Variants in NBEA observed in about 807,000 individuals in gnomAD.
The protein encoded by NBEA is lysosomal-trafficking regulator 2.
NBEA carries 44 observed loss-of-function variants against 343.4 expected under a neutral mutation model. The observed-to-expected ratio is 0.13, with a 90% CI of 0.10 to 0.16. The LOEUF is 0.16. NBEA is among the 10% of genes least tolerant of loss of function. The pLI is 1.00. For synonymous variants in NBEA, 1,175 were observed against 1,238.7 expected (o/e 0.95, Z 1.08); for missense variants, 2,555 against 3,631.3 (o/e 0.70, Z 7.62).
At chr13:35,188,020 G>A (rs2071850627) in intron 30 of NBEA, among the ~76,000 whole-genome samples, 1 of 151,854 alleles carries the variant, frequency 6.6e-6, no homozygotes, top group African/African-American at 2.4e-5. Flanking sequence ...CTGTAACTGA[G>A]TAGCTTCCTT....
intron 1 of NBEA, among the ~76,000 whole-genome samples, chr13:34,961,076 C>T (rs537740164): frequency 2.1e-4 from 32 of 151,980 alleles, no homozygotes; most frequent in African/African-American, 6.8e-4. Flanking sequence ...TGAATTCCAA[C>T]GAAAGAATGG....
chr13:35,315,554 T>G (rs1323701836), intron 36 of NBEA, among the ~76,000 whole-genome samples: 1 of 152,180 alleles, frequency 6.6e-6, no homozygotes, highest in South Asian at 2.1e-4. Flanking sequence ...TCTTTTTAAA[T>G]AAATTAATCA....
chr13:35,336,666 A>T (rs986003357), intron 36 of NBEA, among the ~76,000 whole-genome samples: 1 of 152,132 alleles, frequency 6.6e-6, no homozygotes, highest in African/African-American at 2.4e-5. Flanking sequence ...AATACGGTAC[A>T]TATACACTGT....
rs188022067 is a variant in NBEA, at chr13:35,361,327, C to T, written c.6179+9004C>T. Among the ~76,000 whole-genome samples the T allele has an allele frequency of 1.3e-4, 20 of 152,112 alleles. No individual in the cohort carries two copies. In the East Asian group the frequency reaches 3.3e-3, roughly 25 times the overall value. On this transcript the variant is annotated intron_variant, in intron 38 of 58. Transcript: ENST00000379939. ...TGTTATCAAAGAAATTCCAGACGAC[C>T]TCTTTCAGATAGAAGGGGAACAAAA...
chr13:35,063,773 G>C (rs762791941), intron 8 of NBEA, among the ~76,000 whole-genome samples: 5 of 151,990 alleles, frequency 3.3e-5, no homozygotes, highest in African/African-American at 9.7e-5. Context: ...AAAGTATTGA[G>C]ACTCGATTAG....
intron 38 of NBEA, among the ~76,000 whole-genome samples, chr13:35,403,848 C>T (rs1165176476): frequency 3.9e-5 from 6 of 152,042 alleles, no homozygotes; most frequent in African/African-American, 1.2e-4. Context: ...ATTTTCGCGA[C>T]CTACTCATCT....
chr13:35,139,753 T>TTG (rs1555316318), intron 17 of NBEA, among the ~76,000 whole-genome samples: 3 of 143,522 alleles, frequency 2.1e-5, no homozygotes, highest in Non-Finnish European at 4.6e-5. Flanking sequence ...CGTTTTTTTT[T>TTG]TTTTTTTTTT....
At chr13:35,434,042 C>G (rs2045279027) in intron 39 of NBEA, among the ~76,000 whole-genome samples, 1 of 152,000 alleles carries the variant, frequency 6.6e-6, no homozygotes, top group Non-Finnish European at 1.5e-5. Context: ...GTACAGAATT[C>G]ATATTATATT....
At chr13:35,332,315 G>A (rs2038973384) in intron 36 of NBEA, among the ~76,000 whole-genome samples, 1 of 151,978 alleles carries the variant, frequency 6.6e-6, no homozygotes, top group East Asian at 1.9e-4. Context: ...GGCGTGGCAG[G>A]GGTTATAAGA....
At chr13:35,597,168 A>G (rs2081842966) in intron 47 of NBEA, among the ~76,000 whole-genome samples, 1 of 152,218 alleles carries the variant, frequency 6.6e-6, no homozygotes, top group African/African-American at 2.4e-5. Flanking sequence ...CTTATAAATT[A>G]GGAATCGCAT....
At chr13:35,640,462 G>T (rs962990117) in intron 49 of NBEA, among the ~76,000 whole-genome samples, 2 of 152,196 alleles carry the variant, frequency 1.3e-5, no homozygotes, top group African/African-American at 2.4e-5. Context: ...TTCCAACTGG[G>T]CATCTTTGTA....
intron 40 of NBEA, among the ~76,000 whole-genome samples, chr13:35,468,108 A>ACCCCCC (rs1346379931): frequency 3.9e-4 from 32 of 81,276 alleles, no homozygotes; most frequent in Non-Finnish European, 6.1e-4. Context: ...AATGATTTAC[A>ACCCCCC]CCCCCCCCCC....
chr13:35,665,247 G>C, intron 56 of NBEA, 61 bp downstream of exon 56: 3 of 1,313,746 alleles, frequency 2.3e-6, no homozygotes, highest in Non-Finnish European at 3.2e-6. Context: ...CACACTAAGC[G>C]TGATTGTCAG....
At chr13:35,139,711 G>A (rs1198143161) in intron 17 of NBEA, among the ~76,000 whole-genome samples, 4 of 142,608 alleles carry the variant, frequency 2.8e-5, no homozygotes, top group African/African-American at 1.1e-4. Context: ...TACAGGGCCA[G>A]TGCACCATTT....
rs1219491616 is a variant in NBEA, at chr13:35,655,920, T to C, written c.8362+171T>C. Among the ~76,000 whole-genome samples, 3 of 152,282 alleles carry C rather than the reference T, an allele frequency of 2.0e-5. No homozygotes were observed. The East Asian group carries it at 5.8e-4, about 29-fold the overall frequency. On this transcript the variant is annotated intron_variant, in intron 55 of 58. Transcript: ENST00000379939. ...AGCTATGTTCAAAGTGTTAAAATGA[T>C]CAGTACTATCACCTACAACATGGAG...
At chr13:34,975,027 A>C (rs577607955) in intron 1 of NBEA, among the ~76,000 whole-genome samples, 1 of 152,290 alleles carries the variant, frequency 6.6e-6, no homozygotes, top group African/African-American at 2.4e-5. Flanking sequence ...CTTGAGGTAA[A>C]GTCCTGTTAT....
chr13:35,448,778 A>G (rs2046164614), intron 39 of NBEA, among the ~76,000 whole-genome samples: 1 of 142,652 alleles, frequency 7.0e-6, no homozygotes, highest in Admixed American at 7.6e-5. Flanking sequence ...GGTGGGGTGA[A>G]CTTGAACTTC....
At chr13:35,241,821 G>A (rs2030341936) in intron 34 of NBEA, among the ~76,000 whole-genome samples, 1 of 151,848 alleles carries the variant, frequency 6.6e-6, no homozygotes, top group Non-Finnish European at 1.5e-5. Flanking sequence ...TTGCTATTTT[G>A]TTTGCCCTTA....
intron 1 of NBEA, among the ~76,000 whole-genome samples, chr13:34,976,468 A>G (rs1340034966): frequency 6.6e-6 from 1 of 152,162 alleles, no homozygotes; most frequent in East Asian, 1.9e-4. Flanking sequence ...CATGGGGTAC[A>G]GTGTACACTG....
Sources: gnomAD v4.1 joint callset for allele counts (sites outside exome capture counted in the v4.1 genomes callset) on GRCh38, gnomAD v4.1.1 for gene constraint, MANE v1.5 for transcripts, NCBI Gene and HGNC (gene_info 2026-07-23, HGNC 2026-07-21) for gene names.